Variants in COG3 observed in about 807,000 individuals in gnomAD.
The protein encoded by COG3 is conserved oligomeric Golgi complex subunit 3.
A neutral mutation model predicts 114.1 loss-of-function variants in COG3; 32 were observed. That is an observed-to-expected ratio of 0.28 (90% confidence interval 0.21 to 0.38). The LOEUF (loss-of-function observed/expected upper bound fraction) is 0.38, where lower values mean the gene tolerates loss of function less well. COG3 is among the 10% of genes least tolerant of loss of function. COG3 has a pLI of 1.00. For missense variants in COG3, 813 were observed against 973.2 expected (o/e 0.84, Z 2.19); for synonymous variants, 352 against 365.7 (o/e 0.96, Z 0.43).
At chr13:45,527,934 G>A (rs1283131416) in intron 20 of COG3, among the ~76,000 whole-genome samples, 1 of 152,144 alleles carries the variant, frequency 6.6e-6, no homozygotes, top group Admixed American at 6.5e-5. Flanking sequence ...TCTCGAGAGA[G>A]AGCTAGGAAA....
At chr13:45,480,692 A>C (rs1462073798) in intron 4 of COG3, among the ~76,000 whole-genome samples, 1 of 152,060 alleles carries the variant, frequency 6.6e-6, no homozygotes, top group East Asian at 1.9e-4. Context: ...CAGCCTCCCA[A>C]GTAGCTGGGA....
chr13:45,509,779 C>T lies in COG3; in HGVS notation c.1682C>T (p.Thr561Ile), dbSNP rs1478343810. The change falls in exon 15 of 23, where the codon ACT (threonine) becomes ATT (isoleucine). Residue 561 changes from threonine (T) to isoleucine (I), a missense_variant. Around this residue, in one of 2 missense-constraint regions of COG3, gnomAD observed 389 missense variants for 542.6 expected, o/e 0.72. Coordinates refer to ENST00000349995, the MANE Select transcript of COG3 (RefSeq NM_031431.4). ...ATGTGGTATCCTACGGTTCGAAGAA[C>T]TCTTGTCTGTCTCTCCAAATTATAC... ...HGMWYPTVRR[T>I]LVCLSKLYRC... 6.2e-7 allele frequency: 1 copy of T among 1,613,848 alleles called. No individual in the cohort carries two copies. The highest frequency in any genetic ancestry group is 1.1e-5 in the South Asian group (1 of 91,064).
intron 16 of COG3, among the ~76,000 whole-genome samples, chr13:45,514,905 C>T (rs1393691305): frequency 6.6e-6 from 1 of 152,134 alleles, no homozygotes; most frequent in Admixed American, 6.6e-5. Context: ...GTCTCGGCCT[C>T]CCAAAGTGCT....
intron 14 of COG3, among the ~76,000 whole-genome samples, chr13:45,503,591 G>GT (rs1168658039): frequency 1.3e-5 from 2 of 152,198 alleles, no homozygotes; most frequent in Non-Finnish European, 2.9e-5. Context: ...TGAGCTCTGA[G>GT]TGTGGGAAGG....
intron 6 of COG3, among the ~76,000 whole-genome samples, chr13:45,482,744 C>CT (rs1886327126): frequency 6.6e-6 from 1 of 152,174 alleles, no homozygotes; most frequent in Non-Finnish European, 1.5e-5. Context: ...CACATCCTGG[C>CT]TGACTCAGCT....
rs386379016 is a variant in COG3 at position 45,526,076 on chromosome 13, A to ATTTTTTTTTTTTTTTTTTTTTTTTTT, written c.2230+1030_2230+1055dup. Among the ~76,000 whole-genome samples, 7 of 56,582 alleles carry ATTTTTTTTTTTTTTTTTTTTTTTTTT rather than the reference A, an allele frequency of 1.2e-4. 1 individual carries two copies. Among genetic ancestry groups the ATTTTTTTTTTTTTTTTTTTTTTTTTT allele is most frequent in the African/African-American group, 1.4e-4 (2 of 14,056 alleles). The allele number at this position is 56,582 out of a possible 152,430, so 37.1% of individuals were successfully genotyped here. On this transcript the variant is annotated intron_variant, in intron 20 of 22. Transcript: ENST00000349995. The stretch of plus-strand genomic sequence containing the variant: ...GCTATTCAAAGCCTCCAAAATTTTA[A>ATTTTTTTTTTTTTTTTTTTTTTTTTT]TTTTTTTTTTTTTTTTTTTTTTTTT...
intron 14 of COG3, among the ~76,000 whole-genome samples, chr13:45,509,042 CT>C (rs35234559): frequency 0.11 from 16,238 of 142,892 alleles, 1,699 homozygotes; most frequent in African/African-American, 0.29. Flanking sequence ...GATCTGCTTC[CT>C]TTTTTTTTTT....
intron 5 of COG3, among the ~76,000 whole-genome samples, chr13:45,481,597 T>G (rs776473149): frequency 6.6e-6 from 1 of 152,186 alleles, no homozygotes; most frequent in African/African-American, 2.4e-5. Flanking sequence ...GAAGAAATAT[T>G]CAGTTTTAGA....
At chr13:45,470,936 A>G (rs754743385) in intron 1 of COG3, among the ~76,000 whole-genome samples, 3 of 152,220 alleles carry the variant, frequency 2.0e-5, no homozygotes, top group Non-Finnish European at 4.4e-5. Flanking sequence ...CGGGCATGGC[A>G]GTGAGCCACA....
chr13:45,510,057 C>T (rs999398930), intron 15 of COG3, among the ~76,000 whole-genome samples: 1 of 152,134 alleles, frequency 6.6e-6, no homozygotes, highest in African/African-American at 2.4e-5. Context: ...GCAAATTTTG[C>T]ATGACTGTTT....
At chr13:45,511,631 G>A (rs1284010236) in intron 15 of COG3, 134 bp from the exon 16 acceptor site, 7 of 644,412 alleles carry the variant, frequency 1.1e-5, no homozygotes, top group Non-Finnish European at 1.9e-5. Context: ...AAACCAGGAA[G>A]AATAATACAA....
intron 17 of COG3, among the ~76,000 whole-genome samples, chr13:45,517,315 A>G (rs577260807): frequency 2.0e-4 from 30 of 152,226 alleles, no homozygotes; most frequent in East Asian, 1.5e-3. Context: ...TAGTTCCCCA[A>G]TTCCTGTGCC....
intron 17 of COG3, among the ~76,000 whole-genome samples, chr13:45,517,972 C>T (rs1297302429): frequency 1.3e-5 from 2 of 152,116 alleles, no homozygotes; most frequent in Non-Finnish European, 1.5e-5. Context: ...CAGACAGAAT[C>T]TTTGAGGGAT....
chr13:45,521,829 G>A (rs1196494082), intron 19 of COG3, among the ~76,000 whole-genome samples: 2 of 120,918 alleles, frequency 1.7e-5, no homozygotes, highest in Admixed American at 1.0e-4. Flanking sequence ...TTTTGAGACA[G>A]TCTTGCTCTG....
chr13:45,520,295 AT>A (rs1286106463), intron 19 of COG3, among the ~76,000 whole-genome samples: 4 of 81,278 alleles, frequency 4.9e-5, no homozygotes, highest in African/African-American at 1.9e-4. Context: ...CAAAAAAAAA[AT>A]AAAAATAAAA....
chr13:45,505,158 G>C (rs1456442558), intron 14 of COG3, among the ~76,000 whole-genome samples: 3 of 150,950 alleles, frequency 2.0e-5, no homozygotes, highest in Non-Finnish European at 4.4e-5. Context: ...CTGTACTCCA[G>C]CCTGGGCGAC....
At chr13:45,492,832 C>G (rs993075259) in intron 11 of COG3, among the ~76,000 whole-genome samples, 13 of 152,086 alleles carry the variant, frequency 8.5e-5, no homozygotes, top group African/African-American at 3.1e-4. Flanking sequence ...CAGTATGAAG[C>G]ATATAGACAA....
intron 1 of COG3, among the ~76,000 whole-genome samples, chr13:45,475,045 T>C (rs1282115850): frequency 6.6e-6 from 1 of 152,204 alleles, no homozygotes; most frequent in East Asian, 1.9e-4. Context: ...AGACCTTGTC[T>C]GTGGGCCGCT....
chr13:45,477,841 T>C (rs1231439104), intron 2 of COG3, among the ~76,000 whole-genome samples: 1 of 152,134 alleles, frequency 6.6e-6, no homozygotes, highest in Non-Finnish European at 1.5e-5. Flanking sequence ...TTAGCCAGGA[T>C]GATCTCAATC....
Sources: gnomAD v4.1 joint callset for allele counts (sites outside exome capture counted in the v4.1 genomes callset) on GRCh38, gnomAD v4.1.1 for gene constraint, gnomAD v4.1.1 regional missense constraint, MANE v1.5 for transcripts, NCBI Gene and HGNC (gene_info 2026-07-23, HGNC 2026-07-21) for gene names.